Variants in EPB41L4A observed in about 807,000 individuals in gnomAD.
EPB41L4A encodes erythrocyte membrane protein band 4.1 like 4A.
Under a neutral mutation model 108.6 loss-of-function variants are expected in EPB41L4A, and 100 were observed. That is an observed-to-expected ratio of 0.92 (90% confidence interval 0.78 to 1.09). The LOEUF is 1.09. Among genes scored for constraint, EPB41L4A ranks in the 50% least tolerant of loss-of-function variants. The probability of loss-of-function intolerance (pLI) is 0.00; values close to 1 mark genes in which losing one functional copy is unlikely to be tolerated. For synonymous variants in EPB41L4A, 319 were observed against 289.0 expected (o/e 1.10, Z -1.05); for missense variants, 1,030 against 842.7 (o/e 1.22, Z -2.75).
intron 1 of EPB41L4A, among the ~76,000 whole-genome samples, chr5:112,341,905 T>C (rs941573341): frequency 3.3e-5 from 5 of 152,174 alleles, no homozygotes; most frequent in African/African-American, 4.8e-5. Context: ...AAATCCTATA[T>C]ATAATCTTAG....
intron 1 of EPB41L4A, among the ~76,000 whole-genome samples, chr5:112,319,019 A>C (rs1368086937): frequency 1.3e-5 from 2 of 152,244 alleles, no homozygotes; most frequent in Non-Finnish European, 2.9e-5. Flanking sequence ...CAGAGCAACA[A>C]CACCTCAATA....
chr5:112,203,812 C>A (rs886734683), intron 15 of EPB41L4A, among the ~76,000 whole-genome samples: 7 of 151,936 alleles, frequency 4.6e-5, no homozygotes, highest in African/African-American at 1.5e-4. Context: ...GAGGCCGAGG[C>A]GGGTGGATCA....
At chr5:112,269,859 C>T (rs78512774) in intron 4 of EPB41L4A, among the ~76,000 whole-genome samples, 3 of 152,178 alleles carry the variant, frequency 2.0e-5, no homozygotes, top group South Asian at 4.2e-4. Flanking sequence ...ACTAACAAAC[C>T]GATGTATATG....
At chr5:112,293,441 T>C (rs1394330976) in intron 2 of EPB41L4A, among the ~76,000 whole-genome samples, 1 of 152,156 alleles carries the variant, frequency 6.6e-6, no homozygotes, top group Non-Finnish European at 1.5e-5. Flanking sequence ...CTCTCCAAGA[T>C]AGAATTCAGC....
intron 18 of EPB41L4A, among the ~76,000 whole-genome samples, chr5:112,178,043 A>G (rs921993479): frequency 1.6e-5 from 2 of 122,498 alleles, no homozygotes; most frequent in African/African-American, 8.3e-5. Context: ...GGCTAGAATT[A>G]AAAAAAAAAA....
At chr5:112,414,278 AAAG>A (rs1466014196) in intron 1 of EPB41L4A, among the ~76,000 whole-genome samples, 10 of 152,226 alleles carry the variant, frequency 6.6e-5, no homozygotes, top group Admixed American at 6.5e-4. Flanking sequence ...GAGGGGGAAA[AAAG>A]AAAAAATAGA....
At chr5:112,334,390 G>A (rs571491942) in intron 1 of EPB41L4A, among the ~76,000 whole-genome samples, 67 of 152,180 alleles carry the variant, frequency 4.4e-4, no homozygotes, top group Non-Finnish European at 8.2e-4. Context: ...GAGATTAGCT[G>A]AGAGTCTAGC....
chr5:112,367,692 C>A (rs949745619), intron 1 of EPB41L4A, among the ~76,000 whole-genome samples: 1 of 152,176 alleles, frequency 6.6e-6, no homozygotes, highest in Admixed American at 6.5e-5. Flanking sequence ...TGCGCAAACG[C>A]CTCTGCATTT....
chr5:112,167,891 T>C (rs1760346830), intron 22 of EPB41L4A, among the ~76,000 whole-genome samples: 1 of 152,238 alleles, frequency 6.6e-6, no homozygotes, highest in Admixed American at 6.5e-5. Context: ...TCAGGCTTCT[T>C]ACGTGGTCCA....
rs1751384830 is a variant in EPB41L4A at position 112,259,965 on chromosome 5, A to G, written c.657T>C (p.Ser219=). ...CCGGAGTTAATCCTAAGAAATACTC[A>G]GACTTGTTTTCTCCCTGCAAAAACA... The part of the protein sequence containing the change: ...DLHPVYGENK[S]EYFLGLTPVG... Residue 219 remains serine, a synonymous_variant, in exon 8 of 23, where the codon TCT becomes TCC. Transcript: ENST00000261486. 6.2e-7 allele frequency: 1 copy of G among 1,613,958 alleles called. No homozygotes were observed.
At chr5:112,393,158 C>T (rs1438042969) in intron 1 of EPB41L4A, among the ~76,000 whole-genome samples, 1 of 152,042 alleles carries the variant, frequency 6.6e-6, no homozygotes, top group East Asian at 1.9e-4. Flanking sequence ...AAAATCGACA[C>T]CCTAACATCA....
intron 12 of EPB41L4A, among the ~76,000 whole-genome samples, chr5:112,224,997 A>G (rs2150344570): frequency 6.6e-6 from 1 of 152,390 alleles, no homozygotes; most frequent in Admixed American, 6.5e-5. Flanking sequence ...GAAGAAATAA[A>G]CAAAAACTTC....
chr5:112,145,309 G>T (rs1289114642), intron 13 of EPB41L4A, among the ~76,000 whole-genome samples: 2 of 152,122 alleles, frequency 1.3e-5, no homozygotes, highest in Non-Finnish European at 2.9e-5. Flanking sequence ...ATCTTAATTT[G>T]ATAACGGAGA....
intron 12 of EPB41L4A, among the ~76,000 whole-genome samples, chr5:112,153,248 G>A (rs1406492994): frequency 3.5e-5 from 5 of 143,134 alleles, no homozygotes; most frequent in Non-Finnish European, 6.1e-5. Context: ...AAAAGAGGCC[G>A]GGCATGGTGT....
At chr5:112,293,276 G>A (rs565990291) in intron 2 of EPB41L4A, among the ~76,000 whole-genome samples, 4 of 151,804 alleles carry the variant, frequency 2.6e-5, no homozygotes, top group East Asian at 1.9e-4. Flanking sequence ...AGGTAATCTC[G>A]TGTCATGAGG....
intron 9 of EPB41L4A, chr5:112,256,907 C>T (rs1376278536): frequency 1.3e-5 from 2 of 152,046 alleles, no homozygotes; most frequent in Non-Finnish European, 2.9e-5. Flanking sequence ...GATCTTTATA[C>T]TAAAAGTTTA....
chr5:112,395,595 A>T (rs1761275448), intron 1 of EPB41L4A, among the ~76,000 whole-genome samples: 1 of 152,148 alleles, frequency 6.6e-6, no homozygotes, highest in Non-Finnish European at 1.5e-5. Context: ...GTCAGGAAAC[A>T]ACAGGTGCTG....
At chr5:112,249,512 T>C (rs1750502996) in intron 9 of EPB41L4A, 1 of 152,168 alleles carries the variant, frequency 6.6e-6, no homozygotes, top group Non-Finnish European at 1.5e-5. Flanking sequence ...GTTTTAAAAA[T>C]TAAACTATGT....
At chr5:112,234,597 A>C in intron 12 of EPB41L4A, 37 bp downstream of exon 12, 1 of 1,601,564 alleles carries the variant, frequency 6.2e-7, no homozygotes, top group East Asian at 2.2e-5. Context: ...AAAGGAAAAC[A>C]AGGTTACATA....
Sources: gnomAD v4.1 joint callset for allele counts (sites outside exome capture counted in the v4.1 genomes callset) on GRCh38, gnomAD v4.1.1 for gene constraint, MANE v1.5 for transcripts, NCBI Gene and HGNC (gene_info 2026-07-23, HGNC 2026-07-21) for gene names.